Variants in MGMT observed in about 807,000 individuals in gnomAD.
The protein encoded by MGMT is O-6-methylguanine-DNA methyltransferase.
MGMT carries 14 observed loss-of-function variants against 15.9 expected under a neutral mutation model. The observed-to-expected ratio is 0.88, with a 90% CI of 0.58 to 1.37. The LOEUF (loss-of-function observed/expected upper bound fraction) is 1.37, where lower values mean the gene tolerates loss of function less well. Among genes scored for constraint, MGMT ranks in the 40% most tolerant of loss-of-function variants. The pLI, the probability that MGMT is intolerant of heterozygous loss-of-function variation, is 0.00. For missense variants in MGMT, 282 were observed against 268.1 expected (o/e 1.05, Z -0.36); for synonymous variants, 130 against 118.2 (o/e 1.10, Z -0.65).
intron 2 of MGMT, among the ~76,000 whole-genome samples, chr10:129,542,112 C>T (rs1168206642): frequency 2.0e-5 from 3 of 152,178 alleles, no homozygotes; most frequent in African/African-American, 7.2e-5. Flanking sequence ...GAAACGTGCC[C>T]CATGGAAAGC....
chr10:129,476,532 G>C (rs1171421288), intron 1 of MGMT, among the ~76,000 whole-genome samples: 3 of 152,112 alleles, frequency 2.0e-5, no homozygotes, highest in Non-Finnish European at 2.9e-5. Flanking sequence ...GGAATCCCAT[G>C]GCTCCTGGGG....
chr10:129,487,978 T>TACACAC (rs1491522681), intron 1 of MGMT, among the ~76,000 whole-genome samples: 32 of 12,230 alleles, frequency 2.6e-3, no homozygotes, highest in Non-Finnish European at 4.9e-3. Flanking sequence ...TATACGCAGG[T>TACACAC]ATACACACAC....
intron 1 of MGMT, among the ~76,000 whole-genome samples, chr10:129,523,005 A>G (rs1845830017): frequency 1.3e-5 from 2 of 152,258 alleles, no homozygotes; most frequent in Admixed American, 1.3e-4. Context: ...TTCTGCCATG[A>G]CATATTTAAG....
At chr10:129,656,380 C>T (rs1847524839) in intron 2 of MGMT, among the ~76,000 whole-genome samples, 1 of 152,218 alleles carries the variant, frequency 6.6e-6, no homozygotes, top group Non-Finnish European at 1.5e-5. Flanking sequence ...TTCCTTGGTA[C>T]TGCCTCCTGC....
intron 1 of MGMT, among the ~76,000 whole-genome samples, chr10:129,507,230 G>A (rs12263605): frequency 0.068 from 10,424 of 152,204 alleles, 1,181 homozygotes; most frequent in African/African-American, 0.24. Flanking sequence ...GGTGGTGTGC[G>A]TGGTGCTGCA....
intron 1 of MGMT, among the ~76,000 whole-genome samples, chr10:129,509,586 C>T (rs1020603640): frequency 1.3e-5 from 2 of 152,184 alleles, no homozygotes; most frequent in Admixed American, 1.3e-4. Flanking sequence ...AGTTAAAATT[C>T]TACTCTAGGA....
chr10:129,760,098 G>A (rs904345051), intron 4 of MGMT, among the ~76,000 whole-genome samples: 30 of 152,254 alleles, frequency 2.0e-4, no homozygotes, highest in African/African-American at 5.1e-4. Context: ...GTGGGGCAGC[G>A]TGGCCTGTGG....
intron 2 of MGMT, among the ~76,000 whole-genome samples, chr10:129,646,822 G>A (rs376115136): frequency 6.8e-6 from 1 of 147,776 alleles, no homozygotes; most frequent in African/African-American, 2.5e-5. Context: ...GCTGGGCCAA[G>A]GTGAATCAGG....
At chr10:129,699,381 A>G (rs1262388404) in intron 2 of MGMT, among the ~76,000 whole-genome samples, 1 of 152,134 alleles carries the variant, frequency 6.6e-6, no homozygotes, top group Non-Finnish European at 1.5e-5. Flanking sequence ...ATACTATGGT[A>G]AATACCTTTG....
chr10:129,739,825 T>G (rs1442730167), intron 3 of MGMT, among the ~76,000 whole-genome samples: 2 of 152,226 alleles, frequency 1.3e-5, no homozygotes, highest in Non-Finnish European at 2.9e-5. Flanking sequence ...TTATTTTATA[T>G]GTGGCCTAAG....
intron 2 of MGMT, among the ~76,000 whole-genome samples, chr10:129,616,533 A>G (rs868103050): frequency 3.3e-5 from 5 of 152,048 alleles, no homozygotes; most frequent in Non-Finnish European, 7.4e-5. Flanking sequence ...CAGGCCCCCC[A>G]TTGGCCGGCC....
chr10:129,529,369 T>A (rs1845905415), intron 1 of MGMT, among the ~76,000 whole-genome samples: 1 of 152,100 alleles, frequency 6.6e-6, no homozygotes, highest in Non-Finnish European at 1.5e-5. Flanking sequence ...CTGTTCCACC[T>A]CAGATCACCA....
At chr10:129,551,280 G>A (rs569214007) in intron 2 of MGMT, among the ~76,000 whole-genome samples, 60 of 152,324 alleles carry the variant, frequency 3.9e-4, no homozygotes, top group South Asian at 8.3e-4. Context: ...AATGATGCTG[G>A]GTTAACCATT....
intron 2 of MGMT, among the ~76,000 whole-genome samples, chr10:129,671,181 G>T (rs764994536): frequency 2.8e-4 from 42 of 152,162 alleles, no homozygotes; most frequent in Non-Finnish European, 5.1e-4. Context: ...ATTATGTTTG[G>T]AAAGAGAACA....
intron 2 of MGMT, among the ~76,000 whole-genome samples, chr10:129,683,762 A>C (rs1431833487): frequency 1.3e-5 from 2 of 152,176 alleles, no homozygotes; most frequent in Non-Finnish European, 2.9e-5. Context: ...CCCCACTTGA[A>C]TGGTAATAAT....
At chr10:129,725,951 C>T (rs1040790927) in intron 3 of MGMT, among the ~76,000 whole-genome samples, 3 of 152,176 alleles carry the variant, frequency 2.0e-5, no homozygotes, top group Admixed American at 6.5e-5. Flanking sequence ...TGAAACTTCC[C>T]TTCATCTTCC....
intron 2 of MGMT, among the ~76,000 whole-genome samples, chr10:129,691,605 G>C (rs975922898): frequency 3.3e-5 from 5 of 152,174 alleles, no homozygotes; most frequent in Non-Finnish European, 5.9e-5. Flanking sequence ...GCGGTGGCCG[G>C]GGGGAGCACA....
Position 129,499,089 on chromosome 10 carries a change from G to T in MGMT, c.-13+31793G>T, listed in dbSNP as rs1845550798. ...GGCCCTCTTTATCTGCAACATGTTT[G>T]CTTATATGGTGGCTTCCTTTAAAAA... is the stretch of plus-strand genomic sequence containing the variant. On this transcript the variant is annotated intron_variant, in intron 1 of 4. Coordinates refer to ENST00000651593, the MANE Select transcript of MGMT (RefSeq NM_002412.5). Among the ~76,000 whole-genome samples, 5 of 152,174 alleles carry T rather than the reference G, an allele frequency of 3.3e-5. No individual in the cohort carries two copies. In the South Asian group the frequency reaches 1.0e-3, roughly 31 times the overall value.
At chr10:129,526,391 G>C (rs1170651464) in intron 1 of MGMT, among the ~76,000 whole-genome samples, 2 of 152,096 alleles carry the variant, frequency 1.3e-5, no homozygotes, top group African/African-American at 4.8e-5. Context: ...GAGGCAGTCA[G>C]ACACGGTCCT....
Sources: gnomAD v4.1 joint callset for allele counts (sites outside exome capture counted in the v4.1 genomes callset) on GRCh38, gnomAD v4.1.1 for gene constraint, MANE v1.5 for transcripts, NCBI Gene and HGNC (gene_info 2026-07-23, HGNC 2026-07-21) for gene names.